Variants in PKD1L3 observed in about 807,000 individuals in gnomAD.
The protein encoded by PKD1L3 is polycystin-1-like protein 3.
In PKD1L3, 239 loss-of-function variants were observed where a neutral mutation model predicts 184.1. The ratio of observed to expected loss-of-function variants is 1.30; its 90% CI spans 1.17 to 1.45. The LOEUF (loss-of-function observed/expected upper bound fraction) is 1.45. PKD1L3 is among the 40% of genes most tolerant of loss of function. The pLI is 0.00. For missense variants in PKD1L3, 2,660 were observed against 2,067.2 expected (o/e 1.29, Z -5.56); for synonymous variants, 996 against 778.8 (o/e 1.28, Z -4.64).
chr16:71,936,254 G>A (rs1171315947), intron 25 of PKD1L3, among the ~76,000 whole-genome samples: 1 of 147,778 alleles, frequency 6.8e-6, no homozygotes, highest in Non-Finnish European at 1.5e-5. Context: ...CACCCAGGCT[G>A]GAGTGTAGTG....
Position 71,934,142 on chromosome 16 carries a change from T to C in PKD1L3, c.4614-17A>G, listed in dbSNP as rs1179116767. The C allele has an allele frequency of 1.4e-5, 21 of 1,550,912 alleles. No homozygotes were observed. In the Admixed American group the frequency reaches 3.5e-4, roughly 26 times the overall value. On this transcript the variant is annotated splice_polypyrimidine_tract_variant and intron_variant, in intron 26 of 29. Transcript: ENST00000620267. The stretch of plus-strand genomic sequence containing the variant: ...CTGATGAATCTGCACCAAGGAAAGC[T>C]GACAGTTACTCAGCAAGAAGTATGT...
At chr16:71,956,490 G>T (rs1369879403) in intron 16 of PKD1L3, among the ~76,000 whole-genome samples, 3 of 152,050 alleles carry the variant, frequency 2.0e-5, no homozygotes, top group Non-Finnish European at 4.4e-5. Context: ...ACCGCACCCG[G>T]CCCAAAAAGG....
chr16:71,985,009 A>G (rs1377628466), intron 5 of PKD1L3, among the ~76,000 whole-genome samples: 1 of 152,158 alleles, frequency 6.6e-6, no homozygotes, highest in African/African-American at 2.4e-5. Flanking sequence ...CTCAAAGTCC[A>G]ACCCTGAGAC....
chr16:71,999,055 A>T (rs11864188), intron 1 of PKD1L3, among the ~76,000 whole-genome samples: 55,336 of 151,770 alleles, frequency 0.36, 10,721 homozygotes, highest in East Asian at 0.72. Flanking sequence ...GCGGATCACG[A>T]GGTCAGGAGA....
At chr16:71,969,080 G>A (rs923469410) in intron 13 of PKD1L3, among the ~76,000 whole-genome samples, 7 of 151,676 alleles carry the variant, frequency 4.6e-5, no homozygotes, top group African/African-American at 1.7e-4. Context: ...ACAGGCACAT[G>A]CCACCATGCC....
At chr16:71,942,217 A>G (rs1301100345) in intron 24 of PKD1L3, among the ~76,000 whole-genome samples, 1 of 152,076 alleles carries the variant, frequency 6.6e-6, no homozygotes, top group African/African-American at 2.4e-5. Flanking sequence ...CTGTAATCCC[A>G]GTTACTTGGG....
At chr16:71,945,307 C>CATAT in intron 22 of PKD1L3, among the ~76,000 whole-genome samples, 1 of 37,546 alleles carries the variant, frequency 2.7e-5, no homozygotes, top group South Asian at 1.4e-3. Context: ...TATATATATA[C>CATAT]ACACACACAC....
chr16:71,954,379 G>A, intron 16 of PKD1L3, 78 bp from the exon 17 acceptor site: 1 of 1,189,340 alleles, frequency 8.4e-7, no homozygotes. Flanking sequence ...GATTTGCCCA[G>A]CAACAAGCGA....
At chr16:71,963,490 A>AG in intron 15 of PKD1L3, 139 bp from the exon 16 acceptor site, 3 of 944,818 alleles carry the variant, frequency 3.2e-6, no homozygotes, top group Non-Finnish European at 4.4e-6. Flanking sequence ...AGGAAAGGAA[A>AG]GAAAGTTGAG....
chr16:71,967,843 C>G, intron 14 of PKD1L3, 63 bp downstream of exon 14: 1 of 1,374,496 alleles, frequency 7.3e-7, no homozygotes, highest in South Asian at 1.3e-5. Context: ...ATATCACCAA[C>G]TCAGAGTGTG....
chr16:71,975,851 A>T (rs995765676), intron 11 of PKD1L3, among the ~76,000 whole-genome samples: 1 of 152,238 alleles, frequency 6.6e-6, no homozygotes, highest in African/African-American at 2.4e-5. Context: ...ATCGGAATAA[A>T]ATCAGTGATT....
Position 71,973,325 on chromosome 16 carries a change from T to A in PKD1L3, c.1952A>T (p.Gln651Leu), listed in dbSNP as rs1010517733. The change falls in exon 12 of 30, where the codon CAA becomes CTA. Residue 651 changes from glutamine (Q) to leucine (L), a missense_variant and splice_region_variant. Coordinates refer to ENST00000620267, the MANE Select transcript of PKD1L3 (RefSeq NM_181536.2). ...CCAAGAAGCGGCTCAGTTTCTTACT[T>A]GGCATCCGGCGCTGCTCCATGTCTG... ...HNQTWSSAGC[Q>L]VGPQSTILRT... 1.3e-6 allele frequency: 2 copies of A among 1,551,532 alleles called. No homozygotes were observed. The highest frequency in any genetic ancestry group is 2.0e-5 in the Admixed American group (1 of 50,982).
chr16:71,965,063 G>A (rs1288700380), intron 15 of PKD1L3, among the ~76,000 whole-genome samples: 1 of 151,896 alleles, frequency 6.6e-6, no homozygotes, highest in African/African-American at 2.4e-5. Flanking sequence ...GCCCAGGCTG[G>A]TCTCAAACTC....
At chr16:71,997,422 C>CG (rs372613600) in intron 2 of PKD1L3, among the ~76,000 whole-genome samples, 63 of 149,854 alleles carry the variant, frequency 4.2e-4, no homozygotes, top group East Asian at 1.4e-3. Flanking sequence ...CCCCCCCCCC[C>CG]ACAACCACTC....
chr16:71,935,816 G>T (rs1022738895), intron 25 of PKD1L3, among the ~76,000 whole-genome samples: 3 of 152,164 alleles, frequency 2.0e-5, no homozygotes, highest in Non-Finnish European at 2.9e-5. Flanking sequence ...TTGAGACAGG[G>T]TCGCGCTCTG....
intron 26 of PKD1L3, among the ~76,000 whole-genome samples, chr16:71,934,893 A>G (rs1029874239): frequency 6.6e-6 from 1 of 152,228 alleles, no homozygotes; most frequent in African/African-American, 2.4e-5. Flanking sequence ...GTTCCTCTCC[A>G]TGGGAAAAAC....
intron 11 of PKD1L3, among the ~76,000 whole-genome samples, 179 bp downstream of exon 11, chr16:71,977,057 T>A (rs1015381806): frequency 1.3e-5 from 2 of 152,206 alleles, no homozygotes; most frequent in Admixed American, 6.5e-5. Context: ...AAATTTTTTT[T>A]AAGAAATTAG....
intron 21 of PKD1L3, among the ~76,000 whole-genome samples, chr16:71,948,566 A>G (rs2038707202): frequency 6.6e-6 from 1 of 152,158 alleles, no homozygotes; most frequent in Admixed American, 6.6e-5. Context: ...AAACCTCTCT[A>G]GCAAAAGGTG....
intron 3 of PKD1L3, among the ~76,000 whole-genome samples, chr16:71,990,799 T>C (rs1325777548): frequency 6.7e-6 from 1 of 149,824 alleles, no homozygotes; most frequent in Non-Finnish European, 1.5e-5. Context: ...TGATGATCAC[T>C]CGAGGACCTG....
Sources: allele counts gnomAD v4.1 joint callset (sites outside exome capture counted in the v4.1 genomes callset), GRCh38; gene constraint gnomAD v4.1.1; transcripts MANE v1.5; gene names NCBI Gene and HGNC (gene_info 2026-07-23, HGNC 2026-07-21).